NFKB1: variants seen among roughly 807,000 people sequenced by gnomAD.
The protein encoded by NFKB1 is nuclear factor NF-kappa-B p105 subunit.
A neutral mutation model predicts 105.1 loss-of-function variants in NFKB1; 9 were observed. That is an observed-to-expected ratio of 0.09 (90% CI 0.05 to 0.15). NFKB1 has a LOEUF of 0.15. Ranked by LOEUF, NFKB1 falls within the 10% of genes least tolerant of loss-of-function variation. NFKB1 has a pLI of 1.00. For synonymous variants in NFKB1, 440 were observed against 442.2 expected (o/e 1.00, Z 0.06); for missense variants, 830 against 1,203.7 (o/e 0.69, Z 4.59).
At chr4:102,580,767 A>T (rs1226135298) in intron 9 of NFKB1, 128 bp downstream of exon 9, 1 of 673,526 alleles carries the variant, frequency 1.5e-6, no homozygotes, top group African/African-American at 1.9e-5. Flanking sequence ...GAAAGTCTTA[A>T]AAAGCATTTA....
rs569980066 is a variant in NFKB1 at position 102,576,975 on chromosome 4, A to T, written c.507A>T (p.Gly169=). The change falls in exon 7 of 24, where the codon GGA becomes GGT. Residue 169 remains glycine (G), a synonymous_variant. Coordinates refer to ENST00000226574, the MANE Select transcript of NFKB1 (RefSeq NM_003998.4). ...CGTGTATAAGGGGCTATAATCCTGG[A>T]CTCTTGGTGCACCCTGACCTTGCCT... ...TEACIRGYNP[G]LLVHPDLAYL... is the part of the protein sequence containing the mutation. 35 of 1,613,594 alleles carry T rather than the reference A, an allele frequency of 2.2e-5. No homozygotes were observed. Among genetic ancestry groups the T allele is most frequent in the Admixed American group, 3.3e-5 (2 of 59,960 alleles).
At chr4:102,558,018 A>G (rs1578759611) in intron 5 of NFKB1, among the ~76,000 whole-genome samples, 2 of 146,314 alleles carry the variant, frequency 1.4e-5, no homozygotes, top group African/African-American at 2.5e-5. Flanking sequence ...GAGATGCTAC[A>G]TTGATATCTA....
rs4648084 is a variant in NFKB1, at chr4:102,600,430, G to C, written c.1638-465G>C. Among the ~76,000 whole-genome samples, 54 of 152,292 alleles carry C rather than the reference G, an allele frequency of 3.5e-4. No homozygotes were observed. The East Asian group carries it at 8.9e-3, about 25-fold the overall frequency. ...ACCACCACACTGTATTTTGGAGGAG[G>C]GCAGCAGGGCTAAGTGAGGTAACTA... is the stretch of plus-strand genomic sequence containing the variant. On this transcript the variant is annotated intron_variant, in intron 15 of 23. Transcript: ENST00000226574.
chr4:102,527,395 G>A (rs898727896), intron 2 of NFKB1, among the ~76,000 whole-genome samples: 2 of 152,134 alleles, frequency 1.3e-5, no homozygotes, highest in African/African-American at 4.8e-5. Flanking sequence ...TAGGTGCCAG[G>A]ATAGCCTGGT....
chr4:102,508,427 T>G (rs1191194456), intron 1 of NFKB1, among the ~76,000 whole-genome samples: 1 of 152,132 alleles, frequency 6.6e-6, no homozygotes, highest in African/African-American at 2.4e-5. Context: ...TTACACTTAA[T>G]TTTTTGCTCA....
At chr4:102,591,712 C>G (rs902242192) in intron 11 of NFKB1, among the ~76,000 whole-genome samples, 1 of 152,156 alleles carries the variant, frequency 6.6e-6, no homozygotes, top group African/African-American at 2.4e-5. Flanking sequence ...GACAATACAC[C>G]TAGTCACCCA....
chr4:102,510,847 G>C, intron 1 of NFKB1: 2 of 864,110 alleles, frequency 2.3e-6, no homozygotes, highest in Non-Finnish European at 3.0e-6. Context: ...GGTGGTGGTA[G>C]TATGAGCTGA....
At chr4:102,503,956 G>C (rs1376110157) in intron 1 of NFKB1, among the ~76,000 whole-genome samples, 1 of 152,152 alleles carries the variant, frequency 6.6e-6, no homozygotes, top group Non-Finnish European at 1.5e-5. Context: ...ACGAGGTCTA[G>C]ATAGGGAATT....
rs1578771197 is a variant in NFKB1, at chr4:102,567,021, T to A, written c.293T>A (p.Val98Asp). Residue 98 changes from valine to aspartate, a missense_variant, in exon 6 of 24, where the codon GTT becomes GAT. This residue lies in a region of NFKB1 where 64 missense variants were observed against 79.9 expected (regional missense o/e 0.80). Transcript: ENST00000226574. ...TATGTGGGACCAGCAAAGGTTATTG[T>A]TCAGTTGGTCACAAATGGAAAAAAT... is the stretch of plus-strand genomic sequence containing the variant. The part of the protein sequence containing the change: ...CNYVGPAKVI[V>D]QLVTNGKNIH... 1 of 1,614,022 alleles carries A rather than the reference T, an allele frequency of 6.2e-7. No homozygotes were observed.
At chr4:102,613,334 A>G (rs935416902) in intron 22 of NFKB1, 91 bp from the exon 23 acceptor site, 9 of 1,360,780 alleles carry the variant, frequency 6.6e-6, no homozygotes, top group Non-Finnish European at 9.2e-6. Flanking sequence ...AGGAGGCAGC[A>G]TGGAAGAGGG....
intron 6 of NFKB1, among the ~76,000 whole-genome samples, chr4:102,569,633 C>CA (rs1275317262): frequency 6.6e-6 from 1 of 151,958 alleles, no homozygotes; most frequent in Non-Finnish European, 1.5e-5. Flanking sequence ...TCCAACATAC[C>CA]AAAAAAGATA....
chr4:102,555,626 A>G (rs1722931547), intron 5 of NFKB1, among the ~76,000 whole-genome samples: 1 of 152,198 alleles, frequency 6.6e-6, no homozygotes, highest in African/African-American at 2.4e-5. Flanking sequence ...AGATGTATGA[A>G]AGCATAGATC....
At chr4:102,511,533 G>C (rs1288785293) in intron 1 of NFKB1, among the ~76,000 whole-genome samples, 1 of 152,094 alleles carries the variant, frequency 6.6e-6, no homozygotes, top group Non-Finnish European at 1.5e-5. Flanking sequence ...AAAATTAGCT[G>C]GGCATGGTGG....
In NFKB1 at chr4:102,596,374, A is replaced by AG. The variant is rs753822774; in HGVS notation, c.1495+46dup. On this transcript the variant is annotated intron_variant, in intron 14 of 23. Coordinates refer to ENST00000226574, the MANE Select transcript of NFKB1 (RefSeq NM_003998.4). ...ATTACGTTCTGTTGGTTGGCTGGGG[A>AG]GGGGTCAGTCCTAGGTGCAGAAAGA... 4 of 1,541,426 alleles carry AG rather than the reference A, an allele frequency of 2.6e-6. No homozygotes were observed. In the South Asian group the frequency reaches 3.6e-5, roughly 14 times the overall value.
At chr4:102,607,592 G>A (rs1434625725) in intron 18 of NFKB1, 57 bp from the exon 19 acceptor site, 26 of 1,550,634 alleles carry the variant, frequency 1.7e-5, no homozygotes, top group Non-Finnish European at 2.3e-5. Context: ...TGGGAGGTGG[G>A]GACAAAAGGG....
chr4:102,546,653 T>C (rs937597827), intron 5 of NFKB1, among the ~76,000 whole-genome samples: 1 of 152,156 alleles, frequency 6.6e-6, no homozygotes, highest in African/African-American at 2.4e-5. Context: ...TTTGCTGACC[T>C]AGATAATCAA....
At chr4:102,554,183 C>T (rs1165381915) in intron 5 of NFKB1, among the ~76,000 whole-genome samples, 3 of 152,246 alleles carry the variant, frequency 2.0e-5, no homozygotes, top group East Asian at 1.9e-4. Flanking sequence ...AGGTGACTCA[C>T]GCAGTATCAT....
intron 5 of NFKB1, among the ~76,000 whole-genome samples, chr4:102,543,192 T>C (rs563072579): frequency 2.0e-4 from 30 of 152,222 alleles, no homozygotes; most frequent in African/African-American, 7.2e-4. Flanking sequence ...AATCAAACTG[T>C]GTTCCCTTTC....
intron 20 of NFKB1, among the ~76,000 whole-genome samples, chr4:102,611,796 G>A (rs1478559575): frequency 1.3e-5 from 2 of 152,146 alleles, no homozygotes; most frequent in Admixed American, 1.3e-4. Flanking sequence ...CAGTTTGGTT[G>A]GGTATTCTGA....
Sources: allele counts gnomAD v4.1 joint callset (sites outside exome capture counted in the v4.1 genomes callset), GRCh38; gene constraint gnomAD v4.1.1; regional missense constraint gnomAD v4.1.1; transcripts MANE v1.5; gene names NCBI Gene and HGNC (gene_info 2026-07-23, HGNC 2026-07-21).